Variants in SGPP2 observed in about 807,000 individuals in gnomAD.
SGPP2 encodes sphingosine 1-phosphate phosphohydrolase 2.
A neutral mutation model predicts 33.9 loss-of-function variants in SGPP2; 30 were observed. That is an observed-to-expected ratio of 0.89 (90% confidence interval 0.66 to 1.20). SGPP2 has a LOEUF of 1.20. Ranked by LOEUF, SGPP2 falls within the 50% of genes most tolerant of loss-of-function variation. The pLI, the probability that SGPP2 is intolerant of heterozygous loss-of-function variation, is 0.00. For synonymous variants in SGPP2, 233 were observed against 225.0 expected, an observed-to-expected ratio of 1.04 and a Z score of -0.32; for missense variants, 458 against 532.1, an observed-to-expected ratio of 0.86 and a Z score of 1.37.
At chr2:222,452,476 GT>G in intron 1 of SGPP2, 1 of 838,598 alleles carries the variant, frequency 1.2e-6, no homozygotes. Context: ...AAAATACCTA[GT>G]TGTCTGCTTT....
At chr2:222,433,783 C>A (rs749797359) in intron 1 of SGPP2, among the ~76,000 whole-genome samples, 6 of 152,120 alleles carry the variant, frequency 3.9e-5, no homozygotes, top group Non-Finnish European at 8.8e-5. Context: ...GCTTTGCTTT[C>A]TTCTGATGGA....
intron 2 of SGPP2, among the ~76,000 whole-genome samples, chr2:222,488,781 C>A (rs945992403): frequency 3.3e-5 from 5 of 152,232 alleles, no homozygotes; most frequent in Non-Finnish European, 5.9e-5. Context: ...CAAACATAGA[C>A]ACACATATAA....
intron 4 of SGPP2, among the ~76,000 whole-genome samples, chr2:222,555,855 A>G (rs1689387684): frequency 6.6e-6 from 1 of 152,192 alleles, no homozygotes; most frequent in African/African-American, 2.4e-5. Context: ...TGTCAAGAGA[A>G]AGAGAGAACA....
chr2:222,509,624 T>C (rs1698495764), intron 2 of SGPP2, among the ~76,000 whole-genome samples: 1 of 152,192 alleles, frequency 6.6e-6, no homozygotes, highest in Non-Finnish European at 1.5e-5. Flanking sequence ...TTCTAATAGT[T>C]TGCTTCTTCT....
chr2:222,479,192 C>T (rs1185317837), intron 2 of SGPP2, among the ~76,000 whole-genome samples: 1 of 152,150 alleles, frequency 6.6e-6, no homozygotes, highest in African/African-American at 2.4e-5. Context: ...CCAGGGGAAG[C>T]TGCCGTGGTT....
At chr2:222,518,006 C>T (rs79164607) in intron 2 of SGPP2, among the ~76,000 whole-genome samples, 278 of 152,326 alleles carry the variant, frequency 1.8e-3, no homozygotes, top group African/African-American at 6.4e-3. Context: ...TATTGTGTCA[C>T]CATTTTCCCT....
intron 4 of SGPP2, among the ~76,000 whole-genome samples, chr2:222,540,559 CATTCTCCCCCA>C (rs1398304715): frequency 1.3e-5 from 2 of 152,138 alleles, no homozygotes; most frequent in Non-Finnish European, 2.9e-5. Flanking sequence ...CCTTTGTATA[CATTCTCCCCCA>C]GCACACAGTT....
At chr2:222,437,056 G>A (rs988097126) in intron 1 of SGPP2, among the ~76,000 whole-genome samples, 1 of 152,182 alleles carries the variant, frequency 6.6e-6, no homozygotes, top group Admixed American at 6.5e-5. Context: ...CACAAAATGG[G>A]TCATCCTAGC....
chr2:222,500,149 T>G (rs1559162050), intron 2 of SGPP2, among the ~76,000 whole-genome samples: 1 of 152,108 alleles, frequency 6.6e-6, no homozygotes, highest in Non-Finnish European at 1.5e-5. Context: ...TTGAGAAATT[T>G]CCTAGGAGAG....
chr2:222,482,685 GTTCAGAT>G (rs1698046874), intron 2 of SGPP2, among the ~76,000 whole-genome samples: 1 of 152,176 alleles, frequency 6.6e-6, no homozygotes, highest in Non-Finnish European at 1.5e-5. Flanking sequence ...CTGTCTTTCA[GTTCAGAT>G]TTTCAAGACA....
chr2:222,508,031 G>A (rs1698471437), intron 2 of SGPP2, among the ~76,000 whole-genome samples: 1 of 152,088 alleles, frequency 6.6e-6, no homozygotes, highest in Non-Finnish European at 1.5e-5. Flanking sequence ...TCCCTCAGTG[G>A]GAGTCATTTG....
chr2:222,501,531 G>A (rs1041514980), intron 2 of SGPP2, among the ~76,000 whole-genome samples: 1 of 152,118 alleles, frequency 6.6e-6, no homozygotes, highest in Non-Finnish European at 1.5e-5. Context: ...GCAGTTGCCT[G>A]AAAAATTAGG....
intron 1 of SGPP2, among the ~76,000 whole-genome samples, chr2:222,433,040 A>C (rs1382940881): frequency 6.8e-6 from 1 of 147,704 alleles, no homozygotes; most frequent in Non-Finnish European, 1.5e-5. Context: ...AGAGAGAAAG[A>C]AAGAAAGAAA....
chr2:222,479,586 G>A (rs1310833355), intron 2 of SGPP2, among the ~76,000 whole-genome samples: 1 of 151,454 alleles, frequency 6.6e-6, no homozygotes, highest in African/African-American at 2.4e-5. Flanking sequence ...GTATTTTTTA[G>A]TAGAGACGGA....
At chr2:222,484,138 C>T (rs1698069573) in intron 2 of SGPP2, among the ~76,000 whole-genome samples, 1 of 152,190 alleles carries the variant, frequency 6.6e-6, no homozygotes, top group African/African-American at 2.4e-5. Flanking sequence ...GCTCTTAAAA[C>T]TGGACTTGTG....
At chr2:222,461,838 G>A (rs984813020) in intron 1 of SGPP2, among the ~76,000 whole-genome samples, 1 of 152,106 alleles carries the variant, frequency 6.6e-6, no homozygotes, top group Admixed American at 6.5e-5. Context: ...AGGGGTTGGG[G>A]ACCTGCTCTT....
chr2:222,449,774 T>C (rs1697455783), intron 1 of SGPP2, among the ~76,000 whole-genome samples: 1 of 152,216 alleles, frequency 6.6e-6, no homozygotes, highest in African/African-American at 2.4e-5. Context: ...TTCTGGCAAC[T>C]AATTTTCTAA....
intron 1 of SGPP2, among the ~76,000 whole-genome samples, chr2:222,467,907 G>A (rs1252947592): frequency 1.7e-5 from 2 of 116,552 alleles, no homozygotes; most frequent in African/African-American, 6.2e-5. Flanking sequence ...GAGTATCTTG[G>A]ACTTGACCTT....
At chr2:222,539,863 G>A (rs1168738772) in intron 4 of SGPP2, among the ~76,000 whole-genome samples, 3 of 152,116 alleles carry the variant, frequency 2.0e-5, no homozygotes, top group Non-Finnish European at 4.4e-5. Context: ...TTGCGCTTTG[G>A]GATCCCTTTT....
Sources: allele counts gnomAD v4.1 joint callset (sites outside exome capture counted in the v4.1 genomes callset), GRCh38; gene constraint gnomAD v4.1.1; transcripts MANE v1.5; gene names NCBI Gene and HGNC (gene_info 2026-07-23, HGNC 2026-07-21).